The following UBR2 variants were observed in gnomAD, a reference collection of about 807,000 sequenced individuals.
UBR2 encodes the protein E3 ubiquitin-protein ligase UBR2.
UBR2 carries 92 observed loss-of-function variants against 247.9 expected under a neutral mutation model. The ratio of observed to expected loss-of-function variants is 0.37; its 90% CI spans 0.31 to 0.44. The LOEUF is 0.44. Ranked by LOEUF, UBR2 falls within the 20% of genes least tolerant of loss-of-function variation. The pLI is 1.00. For missense variants in UBR2, 1,613 were observed against 2,112.6 expected (o/e 0.76, Z 4.64); for synonymous variants, 672 against 693.5 (o/e 0.97, Z 0.49).
In UBR2 at chr6:42,606,595, A is replaced by G; in HGVS notation, c.808A>G (p.Arg270Gly). 6.2e-7 allele frequency: 1 copy of G among 1,610,350 alleles called. No homozygotes were observed. Among genetic ancestry groups the G allele is most frequent in the Non-Finnish European group, 8.5e-7 (1 of 1,178,490 alleles). Residue 270 changes from arginine (R) to glycine (G), a missense_variant, in exon 7 of 47, where the codon AGG becomes GGG. Transcript: ENST00000372901. ...ATTTTAAATATCTTTACAGGGGCGT[A>G]GGTCTGTTCGATATGGAGATTTTCA... ...FATTVDRDGRRSVRYGDFQYC... is the reference protein window; with the variant it reads ...FATTVDRDGRGSVRYGDFQYC...
chr6:42,682,195 G>A (rs1799096997), intron 42 of UBR2, among the ~76,000 whole-genome samples: 2 of 152,122 alleles, frequency 1.3e-5, no homozygotes, highest in African/African-American at 4.8e-5. Flanking sequence ...CTTCACTGAG[G>A]TACCTAGAGT....
intron 9 of UBR2, 110 bp from the exon 10 acceptor site, chr6:42,615,891 CA>C: frequency 6.1e-6 from 5 of 813,482 alleles, no homozygotes; most frequent in Non-Finnish European, 9.3e-6. Context: ...GACACTGTCT[CA>C]AAAGTAAAAA....
chr6:42,648,764 C>T (rs1796930310), intron 22 of UBR2, among the ~76,000 whole-genome samples: 1 of 151,892 alleles, frequency 6.6e-6, no homozygotes, highest in African/African-American at 2.4e-5. Context: ...AAAAATATTA[C>T]CTGTAATCCA....
intron 2 of UBR2, 118 bp downstream of exon 2, chr6:42,574,111 G>A (rs1322417234): frequency 9.9e-7 from 1 of 1,006,786 alleles, no homozygotes; most frequent in Non-Finnish European, 1.4e-6. Context: ...TTAAAAATCT[G>A]TATTACAAAT....
intron 10 of UBR2, 35 bp from the exon 11 acceptor site, chr6:42,617,374 C>T: frequency 6.2e-7 from 1 of 1,613,730 alleles, no homozygotes. Context: ...TAACTGATAG[C>T]TGGCACTCCT....
rs1795851814 is a variant in UBR2, at chr6:42,632,986, T to C, written c.1545+82T>C. On this transcript the variant is annotated intron_variant, in intron 13 of 46. Transcript: ENST00000372901. ...TTTTTTTTTTTTTTTAATTTTTCTT[T>C]TTCTTTTTAAGAGATGGGGGTCTCA... The C allele has an allele frequency of 2.9e-6, 3 of 1,022,416 alleles. No individual in the cohort carries two copies. In the Admixed American group the frequency reaches 1.1e-4, roughly 37 times the overall value. 63.3% of individuals were successfully genotyped at this position (1,022,416 alleles called of 1,614,324 possible).
rs1799770446 is a variant in UBR2, at chr6:42,691,820, T to A, written c.*647T>A. ...CTTTTTTTTTTTATGGCAAGACTTT[T>A]GGCTTTGAGAAAACTCACTTAGAGG... On this transcript the variant is annotated 3_prime_UTR_variant, in exon 47 of 47. Transcript: ENST00000372901. The A allele has an allele frequency of 6.6e-6, 1 of 151,730 alleles. No individual in the cohort carries two copies. Among genetic ancestry groups the A allele is most frequent in the African/African-American group, 2.4e-5 (1 of 41,334 alleles). The allele number at this position is 151,730 out of a possible 1,614,324, so 9.4% of individuals were successfully genotyped here.
intron 40 of UBR2, among the ~76,000 whole-genome samples, chr6:42,677,702 A>G (rs1003527032): frequency 6.6e-6 from 1 of 152,128 alleles, no homozygotes; most frequent in Non-Finnish European, 1.5e-5. Context: ...TCACCCAGGC[A>G]GGTGAAGGCT....
chr6:42,658,528 A>G, intron 28 of UBR2, 118 bp from the exon 29 acceptor site: 1 of 1,187,106 alleles, frequency 8.4e-7, no homozygotes, highest in South Asian at 1.8e-5. Context: ...CTCTTATTTA[A>G]ATAAGTGAGA....
chr6:42,685,020 A>G lies in UBR2; in HGVS notation c.4853+149A>G, dbSNP rs533358763. 1.3e-4 allele frequency: 81 copies of G among 646,386 alleles called. 2 individuals are homozygous for G. The South Asian group carries it at 1.9e-3, about 15-fold the overall frequency. 40.0% of individuals were successfully genotyped at this position (646,386 alleles called of 1,614,324 possible). A position where few individuals can be genotyped will look rare whatever the true frequency, so the allele number is the denominator to read the frequency against. On this transcript the variant is annotated intron_variant, in intron 44 of 46. Coordinates refer to ENST00000372901, the MANE Select transcript of UBR2 (RefSeq NM_001363705.2). ...GAGGAGAGGGAGAAAAAAGGAAAAAAAGAAGAAACTTGGCGAGGCACGGTG... is the reference window on the plus strand; with the variant it reads ...GAGGAGAGGGAGAAAAAAGGAAAAAGAGAAGAAACTTGGCGAGGCACGGTG...
chr6:42,685,239 A>G (rs979691926), intron 44 of UBR2, among the ~76,000 whole-genome samples: 1 of 152,116 alleles, frequency 6.6e-6, no homozygotes, highest in Non-Finnish European at 1.5e-5. Flanking sequence ...TGAACCTGAG[A>G]GGCAGAGGTT....
At chr6:42,581,389 C>T (rs949555054) in intron 2 of UBR2, among the ~76,000 whole-genome samples, 12 of 152,068 alleles carry the variant, frequency 7.9e-5, no homozygotes, top group African/African-American at 2.9e-4. Context: ...CCGGGTTTCG[C>T]CATGTTGGCC....
At chr6:42,595,803 T>C (rs1165435154) in intron 4 of UBR2, among the ~76,000 whole-genome samples, 1 of 152,052 alleles carries the variant, frequency 6.6e-6, no homozygotes, top group Non-Finnish European at 1.5e-5. Flanking sequence ...AAGCTTTTGA[T>C]GTACAAATCA....
chr6:42,621,727 CTGAGATTACAGGCG>C (rs1795004818), intron 11 of UBR2, among the ~76,000 whole-genome samples: 1 of 151,872 alleles, frequency 6.6e-6, no homozygotes, highest in African/African-American at 2.4e-5. Context: ...TCCCAAAGTG[CTGAGATTACAGGCG>C]TGAGCCACCG....
intron 11 of UBR2, among the ~76,000 whole-genome samples, chr6:42,629,672 A>T (rs1795578598): frequency 1.3e-5 from 2 of 152,028 alleles, no homozygotes; most frequent in South Asian, 4.1e-4. Flanking sequence ...AATATATATA[A>T]TTTTTTAGGG....
At chr6:42,673,362 T>A (rs1191482807) in intron 36 of UBR2, among the ~76,000 whole-genome samples, 1 of 152,144 alleles carries the variant, frequency 6.6e-6, no homozygotes, top group East Asian at 1.9e-4. Context: ...CGCTCTGTTT[T>A]CCAGGCTGGA....
chr6:42,591,352 G>A (rs1792647907), intron 2 of UBR2, among the ~76,000 whole-genome samples: 1 of 152,154 alleles, frequency 6.6e-6, no homozygotes, highest in African/African-American at 2.4e-5. Context: ...TAGGAGCCTG[G>A]TGTCAGGAAC....
intron 36 of UBR2, among the ~76,000 whole-genome samples, chr6:42,673,434 T>G (rs2013698): frequency 0.93 from 141,226 of 152,286 alleles, 65,630 homozygotes; most frequent in East Asian, 1. Context: ...TGATTCTCCT[T>G]CCTCAGCCTC....
chr6:42,687,769 G>A (rs949076000), intron 44 of UBR2, among the ~76,000 whole-genome samples: 3 of 152,102 alleles, frequency 2.0e-5, no homozygotes, highest in African/African-American at 7.2e-5. Flanking sequence ...TCAAACTCCT[G>A]ACCTCAGTTG....
Sources: allele counts gnomAD v4.1 joint callset (sites outside exome capture counted in the v4.1 genomes callset), GRCh38; gene constraint gnomAD v4.1.1; transcripts MANE v1.5; gene names NCBI Gene and HGNC (gene_info 2026-07-23, HGNC 2026-07-21).